RBFOX1: variants seen among roughly 807,000 people sequenced by gnomAD.
The protein encoded by RBFOX1 is RNA binding fox-1 homolog 1.
A neutral mutation model predicts 57.7 loss-of-function variants in RBFOX1; 8 were observed. The observed-to-expected ratio is 0.14, with a 90% CI of 0.08 to 0.25. The LOEUF is 0.25. Ranked by LOEUF, RBFOX1 falls within the 10% of genes least tolerant of loss-of-function variation. The probability of loss-of-function intolerance (pLI) is 1.00; values close to 1 mark genes in which losing one functional copy is unlikely to be tolerated. For missense variants in RBFOX1, 611 were observed against 548.5 expected (o/e 1.11, Z -1.14); for synonymous variants, 326 against 222.4 (o/e 1.47, Z -4.15).
At chr16:6,687,955 G>A (rs1260616560) in intron 3 of RBFOX1, among the ~76,000 whole-genome samples, 2 of 152,208 alleles carry the variant, frequency 1.3e-5, no homozygotes, top group African/African-American at 4.8e-5. Flanking sequence ...CTTCAGAAAT[G>A]AAAGATGACA....
rs567419369 is a variant in RBFOX1, at chr16:6,616,344, C to G, written c.-63-38259C>G. Among the ~76,000 whole-genome samples the G allele has an allele frequency of 4.6e-5, 7 of 151,832 alleles. No homozygotes were observed. In the South Asian group the frequency reaches 1.5e-3, roughly 31 times the overall value. The stretch of plus-strand genomic sequence containing the variant: ...GTAGAGAAATCCACCCCCAACCGTG[C>G]CCAGTGATAGTGACTCAAATACAGT... On this transcript the variant is annotated intron_variant, in intron 2 of 15. Coordinates refer to ENST00000550418, the MANE Select transcript of RBFOX1 (RefSeq NM_018723.4).
At chr16:6,282,731 C>T (rs1010396459) in intron 1 of RBFOX1, among the ~76,000 whole-genome samples, 4 of 152,134 alleles carry the variant, frequency 2.6e-5, no homozygotes, top group Non-Finnish European at 5.9e-5. Flanking sequence ...CCTTTTTATA[C>T]TTTGCCCCTT....
chr16:6,596,790 A>G (rs1025426411), intron 2 of RBFOX1, among the ~76,000 whole-genome samples: 6 of 152,174 alleles, frequency 3.9e-5, no homozygotes, highest in East Asian at 1.9e-4. Context: ...GCCACACACA[A>G]TACACAAATG....
chr16:7,359,382 G>C (rs2097276651), intron 4 of RBFOX1, among the ~76,000 whole-genome samples: 1 of 144,314 alleles, frequency 6.9e-6, no homozygotes, highest in Non-Finnish European at 1.5e-5. Flanking sequence ...CTGTGTATAT[G>C]TGTGCCTCTG....
chr16:6,305,648 A>C lies in RBFOX1; in HGVS notation c.-126-11347A>C, dbSNP rs533679856. On this transcript the variant is annotated intron_variant, in intron 1 of 15. Coordinates refer to ENST00000550418, the MANE Select transcript of RBFOX1 (RefSeq NM_018723.4). ...AAACACATACTGTAGTCATACTCTT[A>C]GCTTTTTTTTTTTCCTGTATTACCT... Among the ~76,000 whole-genome samples the C allele has an allele frequency of 5.3e-4, 68 of 129,502 alleles. 1 individual carries two copies. In the South Asian group the frequency reaches 0.015, roughly 29 times the overall value. The allele number at this position is 129,502 out of a possible 152,430, so 85.0% of individuals were successfully genotyped here.
At chr16:7,060,643 A>G (rs1334761115) in intron 4 of RBFOX1, among the ~76,000 whole-genome samples, 2 of 152,216 alleles carry the variant, frequency 1.3e-5, no homozygotes, top group Non-Finnish European at 2.9e-5. Context: ...CCATCTGTCT[A>G]TAATGGAAGA....
At chr16:7,247,314 C>G (rs911041715) in intron 4 of RBFOX1, among the ~76,000 whole-genome samples, 1 of 152,170 alleles carries the variant, frequency 6.6e-6, no homozygotes, top group Admixed American at 6.5e-5. Context: ...AAGCAAGTCT[C>G]ACAGACACAC....
intron 4 of RBFOX1, among the ~76,000 whole-genome samples, chr16:7,187,888 A>T (rs909328776): frequency 6.6e-6 from 1 of 152,130 alleles, no homozygotes; most frequent in African/African-American, 2.4e-5. Context: ...AATGTTCACC[A>T]TGTATTGTCA....
intron 1 of RBFOX1, among the ~76,000 whole-genome samples, chr16:6,271,344 A>T (rs981184415): frequency 6.6e-6 from 1 of 152,186 alleles, no homozygotes; most frequent in Admixed American, 6.5e-5. Flanking sequence ...GAATCATTTG[A>T]ATCCAGGAGG....
chr16:5,314,029 A>C (rs943809340), intron 1 of RBFOX1, among the ~76,000 whole-genome samples: 1 of 152,218 alleles, frequency 6.6e-6, no homozygotes, highest in African/African-American at 2.4e-5. Flanking sequence ...TAATAATAGT[A>C]ATAAATAATA....
intron 3 of RBFOX1, among the ~76,000 whole-genome samples, chr16:6,874,969 C>T (rs2061571921): frequency 6.6e-6 from 1 of 152,144 alleles, no homozygotes; most frequent in Non-Finnish European, 1.5e-5. Flanking sequence ...AGCTTGGCTT[C>T]ATAACCCATG....
chr16:5,893,890 A>G (rs1202224292), intron 4 of RBFOX1, among the ~76,000 whole-genome samples: 1 of 152,150 alleles, frequency 6.6e-6, no homozygotes, highest in East Asian at 1.9e-4. Context: ...TAAACAAGTA[A>G]AGTGTGCTTA....
At chr16:5,454,844 T>G (rs972615498) in intron 1 of RBFOX1, among the ~76,000 whole-genome samples, 14 of 105,574 alleles carry the variant, frequency 1.3e-4, no homozygotes, top group East Asian at 8.9e-4. Context: ...TTCTTTCCTT[T>G]CTTTCTTTCT....
chr16:7,083,193 C>G (rs1294939012), intron 4 of RBFOX1, among the ~76,000 whole-genome samples: 3 of 151,962 alleles, frequency 2.0e-5, no homozygotes, highest in Non-Finnish European at 2.9e-5. Flanking sequence ...GGGGACAGTC[C>G]ACGGAATGTT....
chr16:6,559,163 TTGTG>T (rs567268434), intron 2 of RBFOX1, among the ~76,000 whole-genome samples: 37 of 134,202 alleles, frequency 2.8e-4, no homozygotes, highest in East Asian at 7.9e-4. Context: ...ATATGACTGT[TTGTG>T]TGTACATATA....
intron 2 of RBFOX1, among the ~76,000 whole-genome samples, chr16:6,429,408 T>G (rs1384872225): frequency 6.6e-6 from 1 of 152,212 alleles, no homozygotes; most frequent in African/African-American, 2.4e-5. Context: ...ATTTCTCATA[T>G]TTACCCAACA....
Position 6,332,040 on chromosome 16 carries a change from G to A in RBFOX1, c.-64+14983G>A, listed in dbSNP as rs117197878. Among the ~76,000 whole-genome samples, 261 of 152,008 alleles carry A rather than the reference G, an allele frequency of 1.7e-3. 2 individuals carry two copies. In the East Asian group the frequency reaches 0.025, roughly 14 times the overall value. On this transcript the variant is annotated intron_variant, in intron 2 of 15. Transcript: ENST00000550418. ...CTGCAGGAGATAGGGCTGTCTCAGC[G>A]GTTTGTGTAACACCAATGGGGTGTG... is the stretch of plus-strand genomic sequence containing the variant.
At chr16:5,682,931 G>T (rs905056793) in intron 3 of RBFOX1, among the ~76,000 whole-genome samples, 1 of 152,234 alleles carries the variant, frequency 6.6e-6, no homozygotes, top group Non-Finnish European at 1.5e-5. Context: ...CCAGGGTCTA[G>T]TGTGAGTCCT....
chr16:6,962,431 T>G (rs1478307329), intron 3 of RBFOX1, among the ~76,000 whole-genome samples: 3 of 152,162 alleles, frequency 2.0e-5, no homozygotes, highest in African/African-American at 7.2e-5. Context: ...CTGTGCAACT[T>G]TTTCTGTTAC....
Sources: allele counts gnomAD v4.1 joint callset (sites outside exome capture counted in the v4.1 genomes callset), GRCh38; gene constraint gnomAD v4.1.1; transcripts MANE v1.5; gene names NCBI Gene and HGNC (gene_info 2026-07-23, HGNC 2026-07-21).